GPC5: variants seen among roughly 807,000 people sequenced by gnomAD.
The protein encoded by GPC5 is glypican-5.
A neutral mutation model predicts 53.9 loss-of-function variants in GPC5; 47 were observed. The ratio of observed to expected loss-of-function variants is 0.87; its 90% CI spans 0.69 to 1.11. The LOEUF (loss-of-function observed/expected upper bound fraction) is 1.11, where lower values mean the gene tolerates loss of function less well. Among genes scored for constraint, GPC5 ranks in the 50% most tolerant of loss-of-function variants. GPC5 has a pLI of 0.00. For missense variants in GPC5, 748 were observed against 713.1 expected (o/e 1.05, Z -0.56); for synonymous variants, 286 against 263.3 (o/e 1.09, Z -0.84).
At position 91,398,747 on chromosome 13, in the gene GPC5, C is replaced by A; in HGVS notation, c.-300C>A. 2.8e-6 allele frequency: 1 copy of A among 353,288 alleles called. No homozygotes were observed. The highest frequency in any genetic ancestry group is 6.4e-5 in the South Asian group (1 of 15,740). 21.9% of individuals were successfully genotyped at this position (353,288 alleles called of 1,614,324 possible). ...CAGTGGTGGCCAGAGCGGATGCTTG[C>A]GGGCTCCCTGCGGCTCCACTAGTTT... On this transcript the variant is annotated 5_prime_UTR_variant, in exon 1 of 8. Transcript: ENST00000377067.
rs1042308694 is a variant in GPC5, at chr13:92,740,276, C to T, written c.1562-126006C>T. Reference sequence around the variant, plus strand: ...CCCTTTACCACTTACATAAATGAAGCACCATGCACTTTGGCACTTCCTATT... The same window carrying T: ...CCCTTTACCACTTACATAAATGAAGTACCATGCACTTTGGCACTTCCTATT... On this transcript the variant is annotated intron_variant, in intron 7 of 7. Coordinates refer to ENST00000377067, the MANE Select transcript of GPC5 (RefSeq NM_004466.6). 2.0e-5 allele frequency among the ~76,000 whole-genome samples: 3 copies of T among 152,010 alleles called. No homozygotes were observed. The East Asian group carries it at 5.8e-4, about 29-fold the overall frequency.
chr13:91,513,782 G>T (rs1885358802), intron 2 of GPC5, among the ~76,000 whole-genome samples: 2 of 151,948 alleles, frequency 1.3e-5, no homozygotes, highest in South Asian at 4.2e-4. Context: ...CCCTACAAGG[G>T]TCACTCGTCT....
rs919631805 is a variant in GPC5, at chr13:92,815,508, C to CTGAT, written c.1562-50772_1562-50769dup. Among the ~76,000 whole-genome samples the CTGAT allele has an allele frequency of 4.7e-4, 72 of 151,836 alleles. 1 individual carries two copies. Among genetic ancestry groups the CTGAT allele is most frequent in the Admixed American group, 1.6e-3 (25 of 15,258 alleles). On this transcript the variant is annotated intron_variant, in intron 7 of 7. Transcript: ENST00000377067. The stretch of plus-strand genomic sequence containing the variant: ...ATCAGGGCAGACTAATAGTCATAGC[C>CTGAT]TGATTACACAGGCTTTGCTGACTCT...
intron 7 of GPC5, among the ~76,000 whole-genome samples, chr13:92,575,678 C>T (rs1883169154): frequency 6.6e-6 from 1 of 152,114 alleles, no homozygotes; most frequent in Admixed American, 6.6e-5. Flanking sequence ...TCATGTAAAC[C>T]CTGGGCCCAT....
chr13:92,383,775 T>A (rs1328338860), intron 7 of GPC5, among the ~76,000 whole-genome samples: 1 of 152,166 alleles, frequency 6.6e-6, no homozygotes, highest in Non-Finnish European at 1.5e-5. Context: ...ATAAATTATA[T>A]TTTAACTTAA....
intron 7 of GPC5, among the ~76,000 whole-genome samples, chr13:92,577,418 ATGTGTGTGTG>A (rs56162097): frequency 3.4e-5 from 5 of 145,444 alleles, no homozygotes; most frequent in African/African-American, 1.3e-4. Context: ...ATGTATGTAT[ATGTGTGTGTG>A]TGTGTGTGTG....
intron 6 of GPC5, among the ~76,000 whole-genome samples, chr13:91,963,743 T>A (rs766037685): frequency 1.6e-4 from 24 of 152,048 alleles, no homozygotes; most frequent in Non-Finnish European, 7.4e-5. Flanking sequence ...TAGGGATAAA[T>A]AAATAAAACA....
chr13:91,546,161 A>T (rs1226023046), intron 2 of GPC5, among the ~76,000 whole-genome samples: 1 of 152,128 alleles, frequency 6.6e-6, no homozygotes, highest in Admixed American at 6.5e-5. Flanking sequence ...GAAAATTAAT[A>T]TATTCTATTC....
chr13:92,401,625 G>A (rs1368859736), intron 7 of GPC5, among the ~76,000 whole-genome samples: 1 of 152,052 alleles, frequency 6.6e-6, no homozygotes, highest in Non-Finnish European at 1.5e-5. Context: ...AAATTCAAAA[G>A]AGAAAGTCTT....
Position 92,287,348 on chromosome 13 carries a change from G to A in GPC5, c.1561+142359G>A, listed in dbSNP as rs192768718. On this transcript the variant is annotated intron_variant, in intron 7 of 7. Coordinates refer to ENST00000377067, the MANE Select transcript of GPC5 (RefSeq NM_004466.6). ...GTTCATTTTGTGGTTGTTCTGTGGC[G>A]TGTTCTTTAAGTGTCTGTAAGGTCT... Among the ~76,000 whole-genome samples, 13 of 152,188 alleles carry A rather than the reference G, an allele frequency of 8.5e-5. No individual in the cohort carries two copies. In the East Asian group the frequency reaches 1.2e-3, roughly 14 times the overall value.
intron 7 of GPC5, among the ~76,000 whole-genome samples, chr13:92,579,370 A>G (rs1883304708): frequency 6.9e-6 from 1 of 145,490 alleles, no homozygotes; most frequent in South Asian, 2.2e-4. Context: ...CTGATGTAGT[A>G]GTAGTCTTGA....
chr13:92,116,823 T>G (rs1356761849), intron 6 of GPC5, among the ~76,000 whole-genome samples: 1 of 152,264 alleles, frequency 6.6e-6, no homozygotes, highest in Non-Finnish European at 1.5e-5. Flanking sequence ...ATCTTTGTTG[T>G]GTGCTTATCT....
chr13:91,976,477 T>C (rs546639322), intron 6 of GPC5, among the ~76,000 whole-genome samples: 32 of 152,062 alleles, frequency 2.1e-4, no homozygotes, highest in Non-Finnish European at 4.3e-4. Flanking sequence ...CAAATCCGTC[T>C]CTCTGATGCC....
At chr13:91,503,502 C>T (rs866137241) in intron 2 of GPC5, among the ~76,000 whole-genome samples, 2 of 151,864 alleles carry the variant, frequency 1.3e-5, no homozygotes, top group African/African-American at 2.4e-5. Flanking sequence ...TTAGGCTGGG[C>T]CGGGTGCAGT....
At chr13:92,534,399 G>A (rs147834667) in intron 7 of GPC5, among the ~76,000 whole-genome samples, 19 of 152,250 alleles carry the variant, frequency 1.2e-4, no homozygotes, top group Middle Eastern at 6.8e-3. Flanking sequence ...TAAGAACAGC[G>A]ACAAAACAGT....
chr13:92,296,810 C>A (rs2043038681), intron 7 of GPC5, among the ~76,000 whole-genome samples: 1 of 152,338 alleles, frequency 6.6e-6, no homozygotes, highest in Non-Finnish European at 1.5e-5. Flanking sequence ...AGCACCCAGG[C>A]CAGTGGCTGC....
intron 7 of GPC5, among the ~76,000 whole-genome samples, chr13:92,483,214 G>A (rs1350350136): frequency 6.6e-6 from 1 of 152,136 alleles, no homozygotes; most frequent in Non-Finnish European, 1.5e-5. Flanking sequence ...GATACATTCT[G>A]AGAAATGCAT....
chr13:91,778,495 G>A lies in GPC5; in HGVS notation c.1280+22075G>A, dbSNP rs533858763. On this transcript the variant is annotated intron_variant, in intron 5 of 7. Transcript: ENST00000377067. ...AATCTCATCTGTCTCTGGGCTCCTC[G>A]CCACCCATTTAGTTCTCTGTTCCAT... Among the ~76,000 whole-genome samples, 229 of 152,048 alleles carry A rather than the reference G, an allele frequency of 1.5e-3. 1 individual carries two copies. Among genetic ancestry groups the A allele is most frequent in the African/African-American group, 4.4e-3 (181 of 41,442 alleles).
chr13:92,083,715 GC>G (rs2041314851), intron 6 of GPC5, among the ~76,000 whole-genome samples: 1 of 152,084 alleles, frequency 6.6e-6, no homozygotes, highest in African/African-American at 2.4e-5. Context: ...GGATTGCTGG[GC>G]CAAATGGCAT....
Sources: allele counts gnomAD v4.1 joint callset (sites outside exome capture counted in the v4.1 genomes callset), GRCh38; gene constraint gnomAD v4.1.1; transcripts MANE v1.5; gene names NCBI Gene and HGNC (gene_info 2026-07-23, HGNC 2026-07-21).